Variants in SLC19A1 observed in about 807,000 individuals in gnomAD.
The protein encoded by SLC19A1 is solute carrier family 19 member 1.
SLC19A1 carries 37 observed loss-of-function variants against 35.3 expected under a neutral mutation model. That is an observed-to-expected ratio of 1.05 (90% CI 0.81 to 1.38). SLC19A1 has a LOEUF of 1.38. Ranked by LOEUF, SLC19A1 falls within the 40% of genes most tolerant of loss-of-function variation. The pLI, the probability that SLC19A1 is intolerant of heterozygous loss-of-function variation, is 0.00. For missense variants in SLC19A1, 831 were observed against 826.9 expected, an observed-to-expected ratio of 1.00 and a Z score of -0.06; for synonymous variants, 460 against 398.5, an observed-to-expected ratio of 1.15 and a Z score of -1.84.
chr21:45,515,300 T>G lies in SLC19A1; in HGVS notation c.*358A>C, dbSNP rs2037843185. ...CAACTCCTGTGGGGCCAGTGTCCCC[T>G]GAGCTGGTATCCAAGAGGCCACTTC... is the stretch of plus-strand genomic sequence containing the variant. On this transcript the variant is annotated 3_prime_UTR_variant, in exon 6 of 6. Transcript: ENST00000311124. 7 of 1,469,998 alleles carry G rather than the reference T, an allele frequency of 4.8e-6. No homozygotes were observed. In the South Asian group the frequency reaches 8.2e-5, roughly 17 times the overall value. The allele number at this position is 1,469,998 out of a possible 1,614,324, so 91.1% of individuals were successfully genotyped here. A position where few individuals can be genotyped will look rare whatever the true frequency, so the allele number is the denominator to read the frequency against.
Position 45,531,913 on chromosome 21 carries a change from GAGA to G in SLC19A1, c.422_424del (p.Phe141del), listed in dbSNP as rs745362711. The G allele has an allele frequency of 3.8e-5, 61 of 1,596,008 alleles. No individual in the cohort carries two copies. The highest frequency in any genetic ancestry group is 4.9e-5 in the Non-Finnish European group (57 of 1,172,014). ...CTGGTAGCGCGCGGGCCGCACGAGAGAGAAGATGTAGGAGGAATAGGCGATGCG... is the reference window on the plus strand; with the variant it reads ...CTGGTAGCGCGCGGGCCGCACGAGAGAGATGTAGGAGGAATAGGCGATGCG... On this transcript the variant is annotated inframe_deletion, in exon 3 of 6. Coordinates refer to ENST00000311124, the MANE Select transcript of SLC19A1 (RefSeq NM_194255.4).
At chr21:45,537,719 T>TGGGGGGGGGCCCCCCCC in intron 2 of SLC19A1, 52 bp downstream of exon 2, 2 of 319,774 alleles carry the variant, frequency 6.3e-6, no homozygotes, top group Non-Finnish European at 1.1e-5. Flanking sequence ...CAGACGCTGC[T>TGGGGGGGGGCCCCCCCC]CCCCGCCCAC....
At chr21:45,558,370 A>G (rs2078583796) in intron 1 of SLC19A1, among the ~76,000 whole-genome samples, 1 of 152,216 alleles carries the variant, frequency 6.6e-6, no homozygotes, top group South Asian at 2.1e-4. Context: ...AGAAATCCCC[A>G]GTGGGCCCTT....
In SLC19A1 at chr21:45,531,649, A is replaced by T; in HGVS notation, c.689T>A (p.Met230Lys). Residue 230 changes from methionine to lysine, a missense_variant, in exon 3 of 6, where the codon ATG becomes AAG. Met to Lys is a moderately conservative substitution (Grantham distance 95). Coordinates refer to ENST00000311124, the MANE Select transcript of SLC19A1 (RefSeq NM_194255.4). The stretch of plus-strand genomic sequence containing the variant: ...CAGCTTCCCGCCTGGGCCAGGATTC[A>T]TGCGCTCCAGCTCCGAAGCCGAGGT... Reference protein sequence around the residue: ...CETSASELERMNPGPGGKLGH... With the variant: ...CETSASELERKNPGPGGKLGH... The T allele has an allele frequency of 6.2e-7, 1 of 1,612,264 alleles. No individual in the cohort carries two copies. The highest frequency in any genetic ancestry group is 8.5e-7 in the Non-Finnish European group (1 of 1,179,754).
At chr21:45,547,550 A>C (rs2078427474), upstream of SLC19A1, among the ~76,000 whole-genome samples, 1 of 152,206 alleles carries the variant, frequency 6.6e-6, no homozygotes, top group Non-Finnish European at 1.5e-5. Context: ...TTTGATCTCC[A>C]CAACCCCTTA....
At chr21:45,546,761 G>T (rs1328532278), upstream of SLC19A1, among the ~76,000 whole-genome samples, 1 of 152,204 alleles carries the variant, frequency 6.6e-6, no homozygotes, top group Non-Finnish European at 1.5e-5. Context: ...CTCATTTCCA[G>T]AACTTGGAGG....
At chr21:45,555,678 G>A (rs1340105852) in intron 1 of SLC19A1, among the ~76,000 whole-genome samples, 8 of 152,034 alleles carry the variant, frequency 5.3e-5, no homozygotes, top group Non-Finnish European at 2.9e-5. Context: ...GGGAGTGCCT[G>A]AGGCTGGCCT....
At position 45,531,957 on chromosome 21, in the gene SLC19A1, G is replaced by A. The variant is rs1349557952; in HGVS notation, c.381C>T (p.Ser127=). Residue 127 remains serine (S), a synonymous_variant, in exon 3 of 6, where the codon AGC becomes AGT. Coordinates refer to ENST00000311124, the MANE Select transcript of SLC19A1 (RefSeq NM_194255.4). ...AHMQLMELFY[S]VTMAARIAYS... is the part of the protein sequence containing the mutation. ...AGGCGATGCGCGCGGCCATGGTGAC[G>A]CTGTAGAAGAGCTCCATGAGCTGCA... is the stretch of plus-strand genomic sequence containing the variant. 2 of 1,607,608 alleles carry A rather than the reference G, an allele frequency of 1.2e-6. No homozygotes were observed. Among genetic ancestry groups the A allele is most frequent in the Admixed American group, 3.4e-5 (2 of 59,572 alleles).
downstream of SLC19A1, among the ~76,000 whole-genome samples, chr21:45,510,638 G>C (rs557293438): frequency 6.6e-6 from 1 of 152,192 alleles, no homozygotes; most frequent in Non-Finnish European, 1.5e-5. Flanking sequence ...AGTGCCATGC[G>C]GGCTGGTGGC....
downstream of SLC19A1, chr21:45,509,513 G>T: frequency 6.5e-7 from 1 of 1,534,330 alleles, no homozygotes; most frequent in East Asian, 2.4e-5. Flanking sequence ...CCCTACCCCG[G>T]AGCCCCGCAC....
At chr21:45,529,856 G>A (rs990390797) in intron 4 of SLC19A1, among the ~76,000 whole-genome samples, 12 of 151,468 alleles carry the variant, frequency 7.9e-5, no homozygotes, top group Admixed American at 1.3e-4. Context: ...GTGTCCATGT[G>A]TAAGCATATG....
chr21:45,516,479 C>G (rs1471467931), intron 5 of SLC19A1, among the ~76,000 whole-genome samples: 1 of 152,156 alleles, frequency 6.6e-6, no homozygotes, highest in Non-Finnish European at 1.5e-5. Context: ...GCTGAGACAG[C>G]GGAAGGGTGC....
chr21:45,553,415 C>T (rs1033606007), intron 1 of SLC19A1, among the ~76,000 whole-genome samples: 2 of 152,036 alleles, frequency 1.3e-5, no homozygotes, highest in African/African-American at 4.8e-5. Context: ...CGGCCCATCA[C>T]AGTGCCAGCC....
At chr21:45,560,442 G>A (rs1239450973) in intron 1 of SLC19A1, among the ~76,000 whole-genome samples, 3 of 151,758 alleles carry the variant, frequency 2.0e-5, no homozygotes, top group Non-Finnish European at 4.4e-5. Context: ...ACCCCCGCTA[G>A]GGTGCCCACG....
intron 5 of SLC19A1, 50 bp downstream of exon 5, chr21:45,525,767 C>T (rs753268824): frequency 1.9e-6 from 3 of 1,599,048 alleles, no homozygotes; most frequent in South Asian, 1.1e-5. Context: ...TCAACAATGT[C>T]CCCACAAGTA....
intron 1 of SLC19A1, among the ~76,000 whole-genome samples, chr21:45,550,246 G>A (rs2078452237): frequency 6.6e-6 from 1 of 152,144 alleles, no homozygotes; most frequent in Non-Finnish European, 1.5e-5. Flanking sequence ...CTCCTGGGGA[G>A]GCGCCTCCTG....
Position 45,562,004 on chromosome 21 carries a change from G to A in SLC19A1, c.-50+738C>T, listed in dbSNP as rs192266608. On this transcript the variant is annotated intron_variant, in intron 1 of 5. Coordinates refer to the SLC19A1 transcript ENST00000650808. ...AAATTAGCTGGGCATGGTGGCGGGC[G>A]CCTGTAATCCCAGCTATTCAGGAGG... Among the ~76,000 whole-genome samples, 1,083 of 149,950 alleles carry A rather than the reference G, an allele frequency of 7.2e-3. 9 individuals carry two copies. Among genetic ancestry groups the A allele is most frequent in the African/African-American group, 0.025 (1,003 of 40,840 alleles).
At chr21:45,529,468 C>A (rs373974406) in intron 4 of SLC19A1, among the ~76,000 whole-genome samples, 2 of 152,120 alleles carry the variant, frequency 1.3e-5, no homozygotes, top group Non-Finnish European at 2.9e-5. Flanking sequence ...GTCCTCCCAG[C>A]GGGCAGGAAA....
At chr21:45,546,944 G>A (rs1273433178), upstream of SLC19A1, among the ~76,000 whole-genome samples, 2 of 152,152 alleles carry the variant, frequency 1.3e-5, no homozygotes, top group Non-Finnish European at 2.9e-5. Flanking sequence ...GGAAGGAAGC[G>A]GCAGAGTCTC....
Sources: gnomAD v4.1 joint callset for allele counts (sites outside exome capture counted in the v4.1 genomes callset) on GRCh38, gnomAD v4.1.1 for gene constraint, MANE v1.5 for transcripts, NCBI Gene and HGNC (gene_info 2026-07-23, HGNC 2026-07-21) for gene names.